The following CCL26 variants were observed in gnomAD, a reference collection of about 807,000 sequenced individuals.
The protein encoded by CCL26 is C-C motif chemokine ligand 26.
A neutral mutation model predicts 10.7 loss-of-function variants in CCL26; 10 were observed. The ratio of observed to expected loss-of-function variants is 0.93; its 90% CI spans 0.57 to 1.58. The LOEUF (loss-of-function observed/expected upper bound fraction) is 1.58. Among genes scored for constraint, CCL26 ranks in the 40% most tolerant of loss-of-function variants. The pLI is 0.00. For missense variants in CCL26, 116 were observed against 111.0 expected (o/e 1.05, Z -0.20); for synonymous variants, 43 against 41.4 (o/e 1.04, Z -0.15).
chr7:75,787,179 C>T (rs534642744), intron 1 of CCL26, among the ~76,000 whole-genome samples: 6 of 152,146 alleles, frequency 3.9e-5, no homozygotes, highest in Admixed American at 1.3e-4. Flanking sequence ...TTCTGTCAGA[C>T]GTAATTCCTC....
intron 1 of CCL26, among the ~76,000 whole-genome samples, chr7:75,782,995 A>T (rs1302517654): frequency 6.6e-6 from 1 of 151,736 alleles, no homozygotes; most frequent in East Asian, 1.9e-4. Flanking sequence ...CAACCCTATC[A>T]TCCTTCTATC....
rs782166200 is a variant in CCL26, at chr7:75,789,459, C to CTTTTTTTTT, written c.-79+257_-79+258insAAAAAAAAA. 1.1e-4 allele frequency among the ~76,000 whole-genome samples: 11 copies of CTTTTTTTTT among 104,270 alleles called. 1 individual carries two copies. Among genetic ancestry groups the CTTTTTTTTT allele is most frequent in the East Asian group, 5.4e-4 (2 of 3,736 alleles). The allele number at this position is 104,270 out of a possible 152,430, so 68.4% of individuals were successfully genotyped here. A position where few individuals can be genotyped will look rare whatever the true frequency, so the allele number is the denominator to read the frequency against. ...TCTGGGAACATCCATTTCTCTTTTTCTCTTTTTTTTTTTTTTTTGCCAGAA... is the reference window on the plus strand; with the variant it reads ...TCTGGGAACATCCATTTCTCTTTTTCTTTTTTTTTTCTTTTTTTTTTTTTTTTGCCAGAA... On this transcript the variant is annotated intron_variant, in intron 1 of 3. Transcript: ENST00000394905.
chr7:75,777,921 G>C (rs937710899), intron 1 of CCL26, among the ~76,000 whole-genome samples: 1 of 150,940 alleles, frequency 6.6e-6, no homozygotes, highest in African/African-American at 2.4e-5. Context: ...TTGCCACCAT[G>C]TTTGTCCAGG....
At chr7:75,779,141 A>T (rs560362059) in intron 1 of CCL26, among the ~76,000 whole-genome samples, 8 of 151,742 alleles carry the variant, frequency 5.3e-5, no homozygotes, top group Non-Finnish European at 1.0e-4. Flanking sequence ...GAACAACCCC[A>T]TTTGACTGTA....
In CCL26 at chr7:75,785,951, G is replaced by A. The variant is rs12536215; in HGVS notation, c.-79+3766C>T. 1.1e-3 allele frequency among the ~76,000 whole-genome samples: 160 copies of A among 152,238 alleles called. No individual in the cohort carries two copies. In the Middle Eastern group the frequency reaches 0.041, roughly 39 times the overall value. ...GCCAGCCATCATGTCTCCATGCAGC[G>A]GCTGCTGCCACCCTAATACTTTTAG... On this transcript the variant is annotated intron_variant, in intron 1 of 3. Coordinates refer to the CCL26 transcript ENST00000394905.
intron 1 of CCL26, among the ~76,000 whole-genome samples, chr7:75,782,611 C>T (rs1002463081): frequency 5.3e-5 from 8 of 152,118 alleles, no homozygotes; most frequent in African/African-American, 1.7e-4. Flanking sequence ...AAAATCTAAG[C>T]GTCTTATTTT....
intron 1 of CCL26, among the ~76,000 whole-genome samples, chr7:75,786,435 C>T (rs929153472): frequency 8.5e-5 from 13 of 152,208 alleles, no homozygotes; most frequent in African/African-American, 3.1e-4. Context: ...GGCCCTCACT[C>T]TTGCAAAGGG....
chr7:75,770,914 C>T (rs1211337199), intron 2 of CCL26, among the ~76,000 whole-genome samples: 1 of 152,100 alleles, frequency 6.6e-6, no homozygotes, highest in Non-Finnish European at 1.5e-5. Context: ...TCTTGAACAA[C>T]ACGGATTTGA....
chr7:75,783,362 G>T lies in CCL26; in HGVS notation c.-79+6355C>A, dbSNP rs376841395. ...GCTTCACGAGCCAGACCTCCAGGAA[G>T]TTATTAGAGCAGTTCCCCTAGGAGA... On this transcript the variant is annotated intron_variant, in intron 1 of 3. Transcript: ENST00000394905. Among the ~76,000 whole-genome samples, 16 of 152,278 alleles carry T rather than the reference G, an allele frequency of 1.1e-4. 1 individual carries two copies. In the East Asian group the frequency reaches 1.2e-3, roughly 11 times the overall value.
intron 1 of CCL26, among the ~76,000 whole-genome samples, chr7:75,784,906 C>T (rs547733256): frequency 4.9e-4 from 75 of 152,236 alleles, no homozygotes; most frequent in African/African-American, 1.6e-3. Flanking sequence ...CACCGCTCAA[C>T]GGCAATATCC....
At chr7:75,789,022 A>G (rs1343251189) in intron 1 of CCL26, among the ~76,000 whole-genome samples, 2 of 151,428 alleles carry the variant, frequency 1.3e-5, no homozygotes, top group Non-Finnish European at 2.9e-5. Flanking sequence ...CCAAGGCTCA[A>G]GGGATTCTCC....
At chr7:75,780,971 C>T (rs1554529378) in intron 1 of CCL26, among the ~76,000 whole-genome samples, 2 of 152,192 alleles carry the variant, frequency 1.3e-5, no homozygotes, top group African/African-American at 2.4e-5. Flanking sequence ...GAGCTAAAGG[C>T]ATAGTCAAGG....
At chr7:75,780,017 G>T (rs781941461) in intron 1 of CCL26, among the ~76,000 whole-genome samples, 3 of 149,236 alleles carry the variant, frequency 2.0e-5, no homozygotes, top group Non-Finnish European at 4.4e-5. Flanking sequence ...ACTTTCCTGG[G>T]GGGCAAGCAC....
At chr7:75,779,187 C>G (rs550430143) in intron 1 of CCL26, among the ~76,000 whole-genome samples, 1 of 152,094 alleles carries the variant, frequency 6.6e-6, no homozygotes, top group African/African-American at 2.4e-5. Context: ...ATAAAACAGC[C>G]CCACCCCTAT....
chr7:75,781,885 G>T (rs1485484842), intron 1 of CCL26, among the ~76,000 whole-genome samples: 3 of 152,042 alleles, frequency 2.0e-5, no homozygotes, highest in African/African-American at 4.8e-5. Flanking sequence ...AAACAGCTTT[G>T]TTGCTCACAC....
At chr7:75,782,466 C>G (rs1803086225) in intron 1 of CCL26, among the ~76,000 whole-genome samples, 2 of 152,060 alleles carry the variant, frequency 1.3e-5, no homozygotes, top group African/African-American at 4.8e-5. Context: ...TCCCCACCCC[C>G]CTTCTCCATG....
At chr7:75,772,896 A>G (rs1257525000), upstream of CCL26, among the ~76,000 whole-genome samples, 1 of 152,262 alleles carries the variant, frequency 6.6e-6, no homozygotes, top group East Asian at 1.9e-4. Flanking sequence ...AAGTTACTTT[A>G]TAGCACAATT....
At chr7:75,788,132 T>G (rs535819687) in intron 1 of CCL26, among the ~76,000 whole-genome samples, 28 of 152,248 alleles carry the variant, frequency 1.8e-4, no homozygotes, top group African/African-American at 6.5e-4. Flanking sequence ...CTATTTCGTT[T>G]TATTTTTCTT....
At chr7:75,790,758 A>G (rs1321202729), upstream of CCL26, among the ~76,000 whole-genome samples, 1 of 151,966 alleles carries the variant, frequency 6.6e-6, no homozygotes. Flanking sequence ...AACCTGGCCA[A>G]TGTGGTGAAA....
Sources: allele counts gnomAD v4.1 joint callset (sites outside exome capture counted in the v4.1 genomes callset), GRCh38; gene constraint gnomAD v4.1.1; transcripts MANE v1.5; gene names NCBI Gene and HGNC (gene_info 2026-07-23, HGNC 2026-07-21).